Variants in URGCP observed in about 807,000 individuals in gnomAD.
URGCP encodes upregulator of cell proliferation, also known as up-regulator of cell proliferation.
In URGCP, 13 loss-of-function variants were observed where a neutral mutation model predicts 24.6. That is an observed-to-expected ratio of 0.53 (90% confidence interval 0.34 to 0.84). The LOEUF (loss-of-function observed/expected upper bound fraction) is 0.84, where lower values mean the gene tolerates loss of function less well. Among genes scored for constraint, URGCP ranks in the 40% least tolerant of loss-of-function variants. The probability of loss-of-function intolerance (pLI) is 0.01; values close to 1 mark genes in which losing one functional copy is unlikely to be tolerated. For synonymous variants in URGCP, 444 were observed against 487.2 expected (o/e 0.91, Z 1.17); for missense variants, 899 against 1,194.3 (o/e 0.75, Z 3.64).
At chr7:43,902,434 A>T (rs962072957) in intron 1 of URGCP, among the ~76,000 whole-genome samples, 1 of 152,016 alleles carries the variant, frequency 6.6e-6, no homozygotes, top group African/African-American at 2.4e-5. Flanking sequence ...TCTGTGTCCG[A>T]GCTCCTCCCT....
In URGCP at chr7:43,877,366, C is replaced by T; in HGVS notation, c.2097G>A (p.Gly699=). ...RSRLVVLSTV[G]VPGTGKSTLL... is the part of the protein sequence containing the mutation. ...GTGTGGACTTGCCCGTGCCTGGCAC[C>T]CCGACGGTTGACAGAACCACCAGCC... is the stretch of plus-strand genomic sequence containing the variant. Residue 699 remains glycine, a synonymous_variant, in exon 6 of 6, where the codon GGG becomes GGA. Transcript: ENST00000453200. The T allele has an allele frequency of 1.9e-6, 3 of 1,612,728 alleles. No individual in the cohort carries two copies. In the Admixed American group the frequency reaches 5.0e-5, roughly 27 times the overall value.
intron 1 of URGCP, among the ~76,000 whole-genome samples, chr7:43,898,349 T>C (rs1055870068): frequency 6.6e-6 from 1 of 152,144 alleles, no homozygotes; most frequent in Non-Finnish European, 1.5e-5. Context: ...TTAGAAACAA[T>C]GGAAGGAGAG....
intron 1 of URGCP, chr7:43,920,067 A>T: frequency 7.8e-7 from 1 of 1,283,940 alleles, no homozygotes; most frequent in Non-Finnish European, 1.1e-6. Flanking sequence ...TGAGTCCCCT[A>T]GGACAGGGAC....
At chr7:43,887,711 T>C (rs2095864170) in intron 2 of URGCP, 79 bp downstream of exon 2, 2 of 1,525,182 alleles carry the variant, frequency 1.3e-6, no homozygotes, top group Non-Finnish European at 1.8e-6. Flanking sequence ...GAAACACTGG[T>C]CTAGAAAACC....
Position 43,877,061 on chromosome 7 carries a change from T to C in URGCP, c.2402A>G (p.His801Arg). The C allele has an allele frequency of 6.2e-7, 1 of 1,614,264 alleles. No individual in the cohort carries two copies. Among genetic ancestry groups the C allele is most frequent in the Non-Finnish European group, 8.5e-7 (1 of 1,180,044 alleles). The change falls in exon 6 of 6, where the codon CAT becomes CGT. Residue 801 changes from histidine to arginine, a missense_variant. Coordinates refer to ENST00000453200, the MANE Select transcript of URGCP (RefSeq NM_001077663.3). ...CGTTTTTTCTAACCTCAGAAATGCA[T>C]GCAGAATAGCTGCTGGAATGTCCTT... is the stretch of plus-strand genomic sequence containing the variant. ...ETKDIPAAIL[H>R]AFLRLEKTGH...
upstream of URGCP, among the ~76,000 whole-genome samples, chr7:43,907,402 G>A (rs2132718724): frequency 6.6e-6 from 1 of 152,250 alleles, no homozygotes; most frequent in East Asian, 1.9e-4. Context: ...GGAGGCCGAG[G>A]CAGGAGGATC....
intron 1 of URGCP, among the ~76,000 whole-genome samples, chr7:43,913,954 C>T (rs2095912905): frequency 1.3e-5 from 2 of 152,032 alleles, no homozygotes; most frequent in Non-Finnish European, 2.9e-5. Context: ...CTGCCTTGGC[C>T]TACCAAAGTC....
upstream of URGCP, among the ~76,000 whole-genome samples, chr7:43,911,146 AT>A (rs1415300830): frequency 1.3e-5 from 2 of 152,206 alleles, no homozygotes; most frequent in Non-Finnish European, 2.9e-5. Flanking sequence ...CACACCTGTA[AT>A]CCCAGCACTT....
At chr7:43,921,851 T>C (rs562526446) in intron 1 of URGCP, among the ~76,000 whole-genome samples, 1 of 152,298 alleles carries the variant, frequency 6.6e-6, no homozygotes, top group East Asian at 1.9e-4. Context: ...ATTATGTTTT[T>C]CTGTAAATAA....
At chr7:43,903,376 A>T (rs577024655) in intron 1 of URGCP, among the ~76,000 whole-genome samples, 3 of 152,282 alleles carry the variant, frequency 2.0e-5, no homozygotes, top group Admixed American at 6.5e-5. Context: ...CTCAGATGGG[A>T]GGGAGGAGGG....
intron 1 of URGCP, among the ~76,000 whole-genome samples, chr7:43,924,977 T>C (rs2095927191): frequency 6.6e-6 from 1 of 152,138 alleles, no homozygotes; most frequent in Non-Finnish European, 1.5e-5. Flanking sequence ...CAGGATGGTC[T>C]AGAACTCCTG....
At chr7:43,903,978 G>C (rs575855253) in intron 1 of URGCP, among the ~76,000 whole-genome samples, 1 of 152,336 alleles carries the variant, frequency 6.6e-6, no homozygotes, top group South Asian at 2.1e-4. Context: ...AAGGGGCAAA[G>C]ACAAGAGATG....
chr7:43,878,502 C>T lies in URGCP; in HGVS notation c.961G>A (p.Gly321Arg), dbSNP rs780171660. ...GGGAAAATGTCCAAGTCCTCCCTTC[C>T]GCTGGGAAAAAACCAGGAAATTTCT... ...LVEISWFFPS[G>R]REDLDIFPEP... is the part of the protein sequence containing the mutation. The change falls in exon 6 of 6, where the codon GGA (glycine) becomes AGA (arginine). Residue 321 changes from glycine (G) to arginine (R), a missense_variant. By Grantham distance (125) the Gly-to-Arg change is moderately radical (BLOSUM62 -2). Coordinates refer to ENST00000453200, the MANE Select transcript of URGCP (RefSeq NM_001077663.3). This position sits in a 1 kb window ranked among gnomAD's most constrained non-coding sequence, Gnocchi z 5.6. The T allele has an allele frequency of 1.5e-5, 24 of 1,614,056 alleles. No homozygotes were observed. The highest frequency in any genetic ancestry group is 2.7e-5 in the African/African-American group (2 of 74,944).
At chr7:43,887,368 G>C in intron 3 of URGCP, 47 bp downstream of exon 3, 1 of 1,608,262 alleles carries the variant, frequency 6.2e-7, no homozygotes, top group Non-Finnish European at 8.5e-7. Flanking sequence ...GACAGGAGAA[G>C]TACTTCAGCT....
At chr7:43,901,096 A>C (rs2095889796) in intron 1 of URGCP, among the ~76,000 whole-genome samples, 1 of 152,256 alleles carries the variant, frequency 6.6e-6, no homozygotes, top group African/African-American at 2.4e-5. Context: ...GTCCTTATTG[A>C]ATAGGTTGCT....
intron 1 of URGCP, among the ~76,000 whole-genome samples, chr7:43,902,453 A>G (rs75346779): frequency 6.6e-6 from 1 of 152,280 alleles, no homozygotes; most frequent in African/African-American, 2.4e-5. Context: ...CTTCTAGGGC[A>G]GGTCTTACTC....
rs1319463525 is a variant in URGCP, at chr7:43,877,090, T to C, written c.2373A>G (p.Glu791=). The part of the protein sequence containing the change: ...LSNVTVISLA[E]TKDIPAAILH... The stretch of plus-strand genomic sequence containing the variant: ...GAATAGCTGCTGGAATGTCCTTGGT[T>C]TCAGCTAGACTGATCACGGTGACAT... The change falls in exon 6 of 6, where the codon GAA becomes GAG. Residue 791 remains glutamate, a synonymous_variant. Transcript: ENST00000453200. 6.2e-7 allele frequency: 1 copy of C among 1,614,246 alleles called. No homozygotes were observed. Among genetic ancestry groups the C allele is most frequent in the South Asian group, 1.1e-5 (1 of 91,084 alleles).
At chr7:43,909,529 C>A (rs1318236863), upstream of URGCP, among the ~76,000 whole-genome samples, 5 of 151,166 alleles carry the variant, frequency 3.3e-5, no homozygotes, top group African/African-American at 9.7e-5. Flanking sequence ...AAGTTTGAGA[C>A]AGCCTGGCCA....
At chr7:43,924,931 G>A (rs1309888285) in intron 1 of URGCP, among the ~76,000 whole-genome samples, 1 of 152,050 alleles carries the variant, frequency 6.6e-6, no homozygotes, top group Non-Finnish European at 1.5e-5. Flanking sequence ...GCTAAGTTTT[G>A]TATTTTTTGT....
Sources: gnomAD v4.1 joint callset for allele counts (sites outside exome capture counted in the v4.1 genomes callset) on GRCh38, gnomAD v4.1.1 for gene constraint, Gnocchi (gnomAD v3.1) non-coding constraint, MANE v1.5 for transcripts, NCBI Gene and HGNC (gene_info 2026-07-23, HGNC 2026-07-21) for gene names.